ZNF536: variants seen among roughly 807,000 people sequenced by gnomAD.
ZNF536 encodes zinc finger protein 536.
A neutral mutation model predicts 84.5 loss-of-function variants in ZNF536; 13 were observed. The ratio of observed to expected loss-of-function variants is 0.15; its 90% confidence interval spans 0.10 to 0.24. The LOEUF (loss-of-function observed/expected upper bound fraction) is 0.24, where lower values mean the gene tolerates loss of function less well. Among genes scored for constraint, ZNF536 ranks in the 10% least tolerant of loss-of-function variants. ZNF536 has a pLI of 1.00. For missense variants in ZNF536, 1,536 were observed against 1,747.5 expected (o/e 0.88, Z 2.16); for synonymous variants, 811 against 742.5 (o/e 1.09, Z -1.50).
At chr19:30,379,917 C>T (rs1046524246) in intron 1 of ZNF536, among the ~76,000 whole-genome samples, 4 of 152,122 alleles carry the variant, frequency 2.6e-5, no homozygotes, top group Non-Finnish European at 5.9e-5. Flanking sequence ...CTGGGGAAGT[C>T]CTGGCGAAGG....
At chr19:30,403,398 C>T (rs1049343803) in intron 1 of ZNF536, among the ~76,000 whole-genome samples, 1 of 152,218 alleles carries the variant, frequency 6.6e-6, no homozygotes, top group Non-Finnish European at 1.5e-5. Flanking sequence ...AGCCAAAGGT[C>T]AAAGGCTGCG....
intron 1 of ZNF536, among the ~76,000 whole-genome samples, chr19:30,710,490 T>C (rs915245626): frequency 5.3e-5 from 8 of 152,184 alleles, no homozygotes; most frequent in Non-Finnish European, 1.2e-4. Context: ...CAGTGAGATA[T>C]AATCGCACCA....
upstream of ZNF536, chr19:30,228,287 A>G (rs2022737048): frequency 6.6e-6 from 1 of 151,886 alleles, no homozygotes; most frequent in Non-Finnish European, 1.5e-5. This position sits in a 1 kb window ranked among gnomAD's most constrained non-coding sequence, Gnocchi z 4.5. Context: ...AGAGACGGAG[A>G]GAGGAAAAAG....
At chr19:30,402,854 C>T (rs1382773698) in intron 1 of ZNF536, among the ~76,000 whole-genome samples, 1 of 137,014 alleles carries the variant, frequency 7.3e-6, no homozygotes, top group African/African-American at 2.6e-5. Flanking sequence ...AACTAAACTG[C>T]TCTCCTGTTT....
intron 2 of ZNF536, among the ~76,000 whole-genome samples, chr19:30,448,437 G>A (rs2052451158): frequency 6.6e-6 from 1 of 152,168 alleles, no homozygotes; most frequent in Non-Finnish European, 1.5e-5. Context: ...AACCTGCAAG[G>A]TGAAGGAGAG....
At chr19:30,699,152 C>T (rs182614056) in intron 1 of ZNF536, among the ~76,000 whole-genome samples, 114 of 152,104 alleles carry the variant, frequency 7.5e-4, no homozygotes, top group African/African-American at 2.3e-3. Context: ...CTAAATACCC[C>T]GGGATTATTT....
intron 2 of ZNF536, among the ~76,000 whole-genome samples, chr19:30,506,776 A>G (rs765111057): frequency 1.1e-4 from 16 of 152,210 alleles, no homozygotes; most frequent in Non-Finnish European, 2.1e-4. Context: ...CAACAAAAAT[A>G]GCTTCCTTGT....
At chr19:30,706,244 G>A (rs535069193) in intron 1 of ZNF536, among the ~76,000 whole-genome samples, 7 of 152,274 alleles carry the variant, frequency 4.6e-5, no homozygotes, top group African/African-American at 1.4e-4. Flanking sequence ...CAGCACTTTG[G>A]GATGCTGAGG....
chr19:30,294,358 G>A (rs2045933327), intron 2 of ZNF536, among the ~76,000 whole-genome samples: 2 of 152,204 alleles, frequency 1.3e-5, no homozygotes, highest in African/African-American at 2.4e-5. Context: ...ATGTGGATGT[G>A]TGTGTATTAT....
At chr19:30,369,636 T>C (rs1568364866), upstream of ZNF536, among the ~76,000 whole-genome samples, 1 of 152,236 alleles carries the variant, frequency 6.6e-6, no homozygotes, top group African/African-American at 2.4e-5. Flanking sequence ...AATTATGACA[T>C]TATTTTCTCC....
chr19:30,297,240 G>A (rs2046026769), intron 2 of ZNF536, among the ~76,000 whole-genome samples: 1 of 151,940 alleles, frequency 6.6e-6, no homozygotes, highest in South Asian at 2.1e-4. Context: ...TCAGTACCAG[G>A]CACCTTTTTC....
chr19:30,613,550 A>G (rs989340788), intron 1 of ZNF536, among the ~76,000 whole-genome samples: 25 of 152,140 alleles, frequency 1.6e-4, no homozygotes, highest in Admixed American at 1.6e-3. Flanking sequence ...TTGTTGCTCA[A>G]ATTGTCTCAG....
intron 1 of ZNF536, among the ~76,000 whole-genome samples, chr19:30,574,749 C>G (rs767440669): frequency 6.6e-6 from 1 of 152,218 alleles, no homozygotes; most frequent in Non-Finnish European, 1.5e-5. Context: ...TCATCATGAT[C>G]AAGTGTATAG....
At chr19:30,646,625 T>G (rs1312246339) in intron 1 of ZNF536, among the ~76,000 whole-genome samples, 1 of 152,218 alleles carries the variant, frequency 6.6e-6, no homozygotes, top group Non-Finnish European at 1.5e-5. Context: ...TCTAGACATT[T>G]TCTCCACCTT....
Position 30,676,263 on chromosome 19 carries a change from C to T in ZNF536, c.170-34494C>T, listed in dbSNP as rs548854023. 2.0e-5 allele frequency among the ~76,000 whole-genome samples: 3 copies of T among 152,300 alleles called. No homozygotes were observed. In the East Asian group the frequency reaches 5.8e-4, roughly 29 times the overall value. On this transcript the variant is annotated intron_variant, in intron 1 of 1. Transcript: ENST00000592773. ...GTGCTCATGGGAAATGATTTCCTTG[C>T]CTCTACTGTGAGCAAGATGAACATG... is the stretch of plus-strand genomic sequence containing the variant.
intron 1 of ZNF536, among the ~76,000 whole-genome samples, chr19:30,613,193 G>A (rs1174555038): frequency 6.6e-6 from 1 of 152,168 alleles, no homozygotes; most frequent in Admixed American, 6.5e-5. Flanking sequence ...TTAAGATAGT[G>A]TCCTCCAGGT....
intron 1 of ZNF536, among the ~76,000 whole-genome samples, chr19:30,439,625 G>T (rs1658158187): frequency 6.6e-6 from 1 of 152,198 alleles, no homozygotes; most frequent in Non-Finnish European, 1.5e-5. Flanking sequence ...AGGAATCACA[G>T]AGGATTCTAA....
chr19:30,257,348 C>T (rs2024964066), intron 1 of ZNF536, among the ~76,000 whole-genome samples: 1 of 152,170 alleles, frequency 6.6e-6, no homozygotes, highest in African/African-American at 2.4e-5. Context: ...CATCAAAAGC[C>T]ACATTTATCT....
chr19:30,514,980 G>GC (rs1173623943), intron 2 of ZNF536, among the ~76,000 whole-genome samples: 1 of 152,092 alleles, frequency 6.6e-6, no homozygotes, highest in Non-Finnish European at 1.5e-5. Context: ...CAGCGTGGTG[G>GC]CTCACACCTG....
Sources: gnomAD v4.1 joint callset for allele counts (sites outside exome capture counted in the v4.1 genomes callset) on GRCh38, gnomAD v4.1.1 for gene constraint, Gnocchi (gnomAD v3.1) non-coding constraint, MANE v1.5 for transcripts, NCBI Gene and HGNC (gene_info 2026-07-23, HGNC 2026-07-21) for gene names.